Variants in DIAPH3 observed in about 807,000 individuals in gnomAD.
The protein encoded by DIAPH3 is diaphanous related formin 3, also known as protein diaphanous homolog 3.
A neutral mutation model predicts 144.3 loss-of-function variants in DIAPH3; 117 were observed. That is an observed-to-expected ratio of 0.81 (90% confidence interval 0.70 to 0.95). DIAPH3 has a LOEUF of 0.95. Ranked by LOEUF, DIAPH3 falls within the 40% of genes least tolerant of loss-of-function variation. DIAPH3 has a pLI of 0.00. For missense variants in DIAPH3, 1,421 were observed against 1,412.7 expected (o/e 1.01, Z -0.09); for synonymous variants, 519 against 488.9 (o/e 1.06, Z -0.81).
rs1004742376 is a variant in DIAPH3 at position 59,774,936 on chromosome 13, A to C, written c.3164-113T>G. On this transcript the variant is annotated intron_variant, in intron 25 of 27. Transcript: ENST00000400324. ...GTAGGGAGAAAAAAGATCAGATGCC[A>C]GGACTAAGCTAGCAATTTCAAAATA... The C allele has an allele frequency of 6.3e-5, 53 of 835,970 alleles. 2 individuals are homozygous for C. In the South Asian group the frequency reaches 6.4e-4, roughly 10 times the overall value. 51.8% of individuals were successfully genotyped at this position (835,970 alleles called of 1,614,324 possible). A position where few individuals can be genotyped will look rare whatever the true frequency, so the allele number is the denominator to read the frequency against.
At chr13:59,914,464 C>T (rs2047136883) in intron 19 of DIAPH3, among the ~76,000 whole-genome samples, 1 of 152,070 alleles carries the variant, frequency 6.6e-6, no homozygotes, top group Non-Finnish European at 1.5e-5. Context: ...TAAAGATGTA[C>T]ATGACTAATC....
intron 4 of DIAPH3, among the ~76,000 whole-genome samples, chr13:60,082,610 G>T (rs569375663): frequency 6.6e-6 from 1 of 152,034 alleles, no homozygotes; most frequent in African/African-American, 2.4e-5. Context: ...AAAAAAACGT[G>T]TGAGCCAAGC....
intron 27 of DIAPH3, among the ~76,000 whole-genome samples, chr13:59,690,608 G>A (rs1388830673): frequency 6.6e-6 from 1 of 152,158 alleles, no homozygotes; most frequent in Non-Finnish European, 1.5e-5. Flanking sequence ...GCTAGCCTGG[G>A]AACCTAACCA....
At chr13:59,844,255 T>C (rs1375124750) in intron 22 of DIAPH3, among the ~76,000 whole-genome samples, 1 of 152,058 alleles carries the variant, frequency 6.6e-6, no homozygotes, top group Non-Finnish European at 1.5e-5. Context: ...CTATATTTTA[T>C]GTCTTAAAAA....
At position 59,847,873 on chromosome 13, in the gene DIAPH3, A is replaced by G. The variant is rs529833249; in HGVS notation, c.2738-8425T>C. Among the ~76,000 whole-genome samples the G allele has an allele frequency of 1.6e-4, 24 of 152,296 alleles. 1 individual carries two copies. In the South Asian group the frequency reaches 4.1e-3, roughly 26 times the overall value. The stretch of plus-strand genomic sequence containing the variant: ...GCCTAGATCCTTCCCCTGAACTCCA[A>G]TGGCCTATTTGGACATGTTTCCTTA... On this transcript the variant is annotated intron_variant, in intron 22 of 27. Coordinates refer to ENST00000400324, the MANE Select transcript of DIAPH3 (RefSeq NM_001042517.2).
At chr13:59,950,206 T>C (rs35312400) in intron 17 of DIAPH3, among the ~76,000 whole-genome samples, 3,366 of 152,276 alleles carry the variant, frequency 0.022, 56 homozygotes, top group Non-Finnish European at 0.032. Context: ...ACCTCCCTAA[T>C]GTAAACACAA....
chr13:59,986,829 GT>G (rs1470056437), intron 12 of DIAPH3, among the ~76,000 whole-genome samples: 1 of 150,266 alleles, frequency 6.7e-6, no homozygotes, highest in African/African-American at 2.4e-5. Flanking sequence ...GAAACAACAG[GT>G]GTTGGAGAGG....
chr13:59,951,082 A>C (rs2049072997), intron 17 of DIAPH3, among the ~76,000 whole-genome samples: 1 of 152,124 alleles, frequency 6.6e-6, no homozygotes, highest in Non-Finnish European at 1.5e-5. Flanking sequence ...TTTTATGTGT[A>C]CTTAACTATT....
rs1452708180 is a variant in DIAPH3, at chr13:59,833,930, A to ATAAAG, written c.2863-660_2863-659insCTTTA. ...CTTTAAGGTTCTAAAAGCAAACAAA[A>ATAAAG]TTTTAAGAGTTAAACTGAAAACTTC... On this transcript the variant is annotated intron_variant, in intron 23 of 27. Transcript: ENST00000400324. 2.6e-4 allele frequency among the ~76,000 whole-genome samples: 40 copies of ATAAAG among 151,438 alleles called. 1 individual carries two copies. The East Asian group carries it at 7.6e-3, about 29-fold the overall frequency.
chr13:59,928,086 T>C (rs7490424), intron 17 of DIAPH3, among the ~76,000 whole-genome samples: 83,998 of 151,952 alleles, frequency 0.55, 23,749 homozygotes, highest in Admixed American at 0.6. Context: ...TCTCTATTTT[T>C]CTTTTTTTGG....
At chr13:59,941,420 G>C (rs948401654) in intron 17 of DIAPH3, among the ~76,000 whole-genome samples, 12 of 152,116 alleles carry the variant, frequency 7.9e-5, no homozygotes, top group African/African-American at 2.7e-4. Context: ...ATGGTGCAAG[G>C]CTGAAGGAGA....
chr13:60,085,514 T>G (rs2057717817), intron 4 of DIAPH3, among the ~76,000 whole-genome samples: 1 of 152,092 alleles, frequency 6.6e-6, no homozygotes, highest in Non-Finnish European at 1.5e-5. Flanking sequence ...CTGGGTCCCA[T>G]CCACAGGAAC....
At chr13:59,860,586 A>T (rs1202504854) in intron 22 of DIAPH3, among the ~76,000 whole-genome samples, 1 of 151,958 alleles carries the variant, frequency 6.6e-6, no homozygotes, top group Non-Finnish European at 1.5e-5. Context: ...AAAATATAAT[A>T]AATTATCCAG....
intron 22 of DIAPH3, among the ~76,000 whole-genome samples, chr13:59,841,685 G>C (rs1447436261): frequency 6.6e-6 from 1 of 152,170 alleles, no homozygotes; most frequent in South Asian, 2.1e-4. Context: ...TGTATTAGTA[G>C]TATAATGGTA....
At chr13:60,105,636 C>T (rs2058395456) in intron 3 of DIAPH3, among the ~76,000 whole-genome samples, 1 of 152,010 alleles carries the variant, frequency 6.6e-6, no homozygotes, top group Non-Finnish European at 1.5e-5. Flanking sequence ...CAATTTCTAC[C>T]CAATGGAGAG....
chr13:59,827,368 C>T (rs920616169), intron 24 of DIAPH3, among the ~76,000 whole-genome samples: 11 of 151,672 alleles, frequency 7.3e-5, no homozygotes, highest in South Asian at 4.2e-4. Flanking sequence ...AAAAACTGGG[C>T]GAAGGATAAA....
At chr13:59,798,335 T>C (rs2039720043) in intron 25 of DIAPH3, among the ~76,000 whole-genome samples, 1 of 152,146 alleles carries the variant, frequency 6.6e-6, no homozygotes, top group South Asian at 2.1e-4. Flanking sequence ...GAAATGTGCC[T>C]ACAAAATAAA....
intron 4 of DIAPH3, among the ~76,000 whole-genome samples, chr13:60,067,366 T>C (rs2057011541): frequency 6.6e-6 from 1 of 152,096 alleles, no homozygotes; most frequent in South Asian, 2.1e-4. Context: ...CAACCAACAT[T>C]TATTAAGTCA....
At chr13:59,955,971 G>C (rs2049375721) in intron 17 of DIAPH3, among the ~76,000 whole-genome samples, 1 of 152,174 alleles carries the variant, frequency 6.6e-6, no homozygotes, top group Non-Finnish European at 1.5e-5. Context: ...TCTGGTGGAA[G>C]AAATTTCCAA....
Sources: allele counts gnomAD v4.1 joint callset (sites outside exome capture counted in the v4.1 genomes callset), GRCh38; gene constraint gnomAD v4.1.1; transcripts MANE v1.5; gene names NCBI Gene and HGNC (gene_info 2026-07-23, HGNC 2026-07-21).